Variants in MBD3 observed in about 807,000 individuals in gnomAD.
MBD3 encodes the protein methyl-CpG binding domain protein 3.
A neutral mutation model predicts 31.2 loss-of-function variants in MBD3; 13 were observed. That is an observed-to-expected ratio of 0.42 (90% CI 0.27 to 0.66). MBD3 has a LOEUF of 0.66. MBD3 is among the 30% of genes least tolerant of loss of function. The probability of loss-of-function intolerance (pLI) is 0.26; values close to 1 mark genes in which losing one functional copy is unlikely to be tolerated. For missense variants in MBD3, 440 were observed against 426.5 expected, an observed-to-expected ratio of 1.03 and a Z score of -0.28; for synonymous variants, 223 against 187.4, an observed-to-expected ratio of 1.19 and a Z score of -1.55.
Position 1,582,673 on chromosome 19 carries a change from C to T in MBD3, c.448G>A (p.Asp150Asn), listed in dbSNP as rs370132757. Reference sequence around the variant, plus strand: ...GTCTTGACCAGCTCCTCAGCAATGTCGAAGGCGTTCAGGCCGCTCAGCTTC... The same window carrying T: ...GTCTTGACCAGCTCCTCAGCAATGTTGAAGGCGTTCAGGCCGCTCAGCTTC... ...EKKLSGLNAF[D>N]IAEELVKTMD... The change falls in exon 4 of 7, where the codon GAC becomes AAC. Residue 150 changes from aspartate to asparagine, a missense_variant. Physicochemically the swap from Asp to Asn is conservative, Grantham distance 23. Transcript: ENST00000434436. 2.9e-5 allele frequency: 47 copies of T among 1,613,948 alleles called. No individual in the cohort carries two copies. The highest frequency in any genetic ancestry group is 3.4e-5 in the Non-Finnish European group (40 of 1,180,014).
intron 3 of MBD3, 59 bp from the exon 4 acceptor site, chr19:1,582,771 C>T (rs1255980743): frequency 6.7e-7 from 1 of 1,500,894 alleles, no homozygotes; most frequent in African/African-American, 1.4e-5. Flanking sequence ...CACTCCAGGT[C>T]CTTGCTGGGC....
intron 5 of MBD3, among the ~76,000 whole-genome samples, chr19:1,579,262 C>T (rs1277847247): frequency 1.3e-5 from 2 of 151,436 alleles, no homozygotes; most frequent in African/African-American, 4.9e-5. Context: ...CCCACCCTCG[C>T]AGGCCGGGGG....
At position 1,575,078 on chromosome 19, in the gene MBD3, G is replaced by A. The variant is rs946394499; in HGVS notation, c.*3086C>T. The A allele has an allele frequency of 1.9e-5, 7 of 377,738 alleles. No homozygotes were observed. The highest frequency in any genetic ancestry group is 3.8e-5 in the South Asian group (2 of 53,214). 23.4% of individuals were successfully genotyped at this position (377,738 alleles called of 1,614,324 possible). ...CCCTGGTACCCTCTGTGGCGGCAGC[G>A]GTGGGGAGCTTGGTCTGAGGGGAGG... On this transcript the variant is annotated 3_prime_UTR_variant, in exon 7 of 7. Transcript: ENST00000434436.
chr19:1,579,776 A>G (rs142938690), intron 5 of MBD3, among the ~76,000 whole-genome samples: 67 of 151,968 alleles, frequency 4.4e-4, no homozygotes, highest in African/African-American at 1.3e-3. Context: ...TTCTATTTCT[A>G]TAAGTTCTTA....
At chr19:1,580,680 C>A (rs1447307635) in intron 5 of MBD3, among the ~76,000 whole-genome samples, 1 of 152,192 alleles carries the variant, frequency 6.6e-6, no homozygotes, top group East Asian at 1.9e-4. Flanking sequence ...TGTTTCTGAG[C>A]GGCCGTGTTC....
intron 1 of MBD3, among the ~76,000 whole-genome samples, chr19:1,590,430 T>C (rs903782774): frequency 1.1e-4 from 17 of 152,104 alleles, no homozygotes; most frequent in African/African-American, 3.9e-4. Context: ...GAGACCAGTC[T>C]AGTCTAGGCA....
rs1402712543 is a variant in MBD3, at chr19:1,590,781, G to A, written c.110+1741C>T. ...TAGAAAAAAGTGGGCAACATGGCCT[G>A]AACTCTCCCCAGGCACCCCCAACAG... On this transcript the variant is annotated intron_variant, in intron 1 of 6. Coordinates refer to ENST00000434436, the MANE Select transcript of MBD3 (RefSeq NM_001281453.2). Among the ~76,000 whole-genome samples the A allele has an allele frequency of 2.6e-5, 4 of 152,326 alleles. No homozygotes were observed. The East Asian group carries it at 7.7e-4, about 29-fold the overall frequency.
intron 1 of MBD3, among the ~76,000 whole-genome samples, chr19:1,590,073 T>C (rs2060696781): frequency 6.6e-6 from 1 of 152,014 alleles, no homozygotes; most frequent in Non-Finnish European, 1.5e-5. Context: ...TTTGGGAGGC[T>C]GAGGTGCTGG....
intron 1 of MBD3, among the ~76,000 whole-genome samples, chr19:1,591,115 G>A (rs974774532): frequency 6.6e-6 from 1 of 152,152 alleles, no homozygotes; most frequent in African/African-American, 2.4e-5. Flanking sequence ...GCCTCTCCCT[G>A]TCACTCAATG....
intron 5 of MBD3, among the ~76,000 whole-genome samples, chr19:1,579,387 CCTCCTCGGGGCCTA>C (rs1455786077): frequency 6.6e-6 from 1 of 151,854 alleles, no homozygotes; most frequent in Admixed American, 6.6e-5. Context: ...TGGGGGGCCT[CCTCCTCGGGGCCTA>C]CAAGCTGATG....
At chr19:1,586,167 A>G (rs904822201) in intron 1 of MBD3, 3 of 152,114 alleles carry the variant, frequency 2.0e-5, no homozygotes, top group African/African-American at 7.2e-5. Flanking sequence ...CTGCCCGAAA[A>G]ATGAGCACGC....
At chr19:1,583,821 A>G (rs1482420181) in intron 3 of MBD3, among the ~76,000 whole-genome samples, 1 of 152,116 alleles carries the variant, frequency 6.6e-6, no homozygotes, top group Non-Finnish European at 1.5e-5. Flanking sequence ...TTTTTTAAAA[A>G]TATTTTTATT....
intron 1 of MBD3, among the ~76,000 whole-genome samples, chr19:1,588,666 A>G (rs1371197765): frequency 6.6e-6 from 1 of 151,424 alleles, no homozygotes; most frequent in Non-Finnish European, 1.5e-5. Flanking sequence ...CTATAGTCCC[A>G]GCTACTCGGG....
intron 5 of MBD3, 95 bp downstream of exon 5, chr19:1,580,997 G>T: frequency 6.8e-7 from 1 of 1,466,770 alleles, no homozygotes; most frequent in South Asian, 1.2e-5. Flanking sequence ...AGCATCGTGG[G>T]GAGACGGGAA....
Position 1,585,123 on chromosome 19 carries a change from T to C in MBD3, c.202A>G (p.Lys68Glu). Residue 68 changes from lysine to glutamate, a missense_variant, in exon 2 of 7, where the codon AAG becomes GAG. Lys to Glu is a moderately conservative substitution (Grantham distance 56). Around this residue, in one of 3 missense-constraint regions of MBD3, gnomAD observed 179 missense variants for 134.7 expected, o/e 1.33. Transcript: ENST00000434436. This position sits in a 1 kb window ranked among gnomAD's most constrained non-coding sequence, Gnocchi z 4.1. ...DLSTFDFRTG[K>E]MLMSKMNKSR... is the part of the protein sequence containing the mutation. ...TTGTTCATCTTGCTCATCAGCATCT[T>C]GCCCGTGCGGAAGTCGAAGGTGCTC... is the stretch of plus-strand genomic sequence containing the variant. The C allele has an allele frequency of 3.1e-6, 5 of 1,612,474 alleles. No homozygotes were observed. Among genetic ancestry groups the C allele is most frequent in the Non-Finnish European group, 3.4e-6 (4 of 1,179,506 alleles).
chr19:1,592,709 C>T lies in MBD3; in HGVS notation c.-78G>A, dbSNP rs1331045613. The T allele has an allele frequency of 7.4e-6, 3 of 404,136 alleles. No individual in the cohort carries two copies. The highest frequency in any genetic ancestry group is 4.4e-5 in the African/African-American group (2 of 45,840). The allele number at this position is 404,136 out of a possible 1,614,324, so 25.0% of individuals were successfully genotyped here. On this transcript the variant is annotated 5_prime_UTR_variant, in exon 1 of 7. Transcript: ENST00000434436. ...CACTCGCCGCCGCCGCCTCAGCTGC[C>T]TCCGCTGCCGCTGCCGCCGCCGCCA...
Position 1,574,992 on chromosome 19 carries a change from C to T in MBD3, c.*3172G>A, listed in dbSNP as rs1242879494. The T allele has an allele frequency of 1.1e-5, 4 of 350,580 alleles. No individual in the cohort carries two copies. The highest frequency in any genetic ancestry group is 3.6e-5 in the Admixed American group (1 of 27,736). 21.7% of individuals were successfully genotyped at this position (350,580 alleles called of 1,614,324 possible). ...GCTGAGACTCGGGAGCCCTGTGGTC[C>T]GTGTGGCTGGGCCGAGGGCTGGGAG... On this transcript the variant is annotated 3_prime_UTR_variant, in exon 7 of 7. Coordinates refer to ENST00000434436, the MANE Select transcript of MBD3 (RefSeq NM_001281453.2).
chr19:1,584,981 G>A (rs1288378519), intron 2 of MBD3, 74 bp downstream of exon 2: 35 of 1,581,572 alleles, frequency 2.2e-5, no homozygotes, highest in Non-Finnish European at 2.9e-5. Context: ...TGTGTCGCCT[G>A]CAGCTCACGT....
intron 4 of MBD3, chr19:1,581,476 C>T (rs1917352768): frequency 6.4e-6 from 4 of 620,594 alleles, no homozygotes; most frequent in South Asian, 3.8e-5. Flanking sequence ...GGCGTGGCGA[C>T]TCCCGCCTGT....
Sources: gnomAD v4.1 joint callset for allele counts (sites outside exome capture counted in the v4.1 genomes callset) on GRCh38, gnomAD v4.1.1 for gene constraint, gnomAD v4.1.1 regional missense constraint, Gnocchi (gnomAD v3.1) non-coding constraint, MANE v1.5 for transcripts, NCBI Gene and HGNC (gene_info 2026-07-23, HGNC 2026-07-21) for gene names.